TNFRSF11B: variants seen among roughly 807,000 people sequenced by gnomAD.
The protein encoded by TNFRSF11B is TNF receptor superfamily member 11b.
TNFRSF11B carries 16 observed loss-of-function variants against 43.4 expected under a neutral mutation model. The ratio of observed to expected loss-of-function variants is 0.37; its 90% CI spans 0.25 to 0.56. TNFRSF11B has a LOEUF of 0.56. Ranked by LOEUF, TNFRSF11B falls within the 20% of genes least tolerant of loss-of-function variation. The pLI, the probability that TNFRSF11B is intolerant of heterozygous loss-of-function variation, is 0.80. For missense variants in TNFRSF11B, 444 were observed against 490.1 expected (o/e 0.91, Z 0.89); for synonymous variants, 185 against 181.8 (o/e 1.02, Z -0.14).
chr8:118,928,064 C>T (rs1347758401), intron 3 of TNFRSF11B, among the ~76,000 whole-genome samples: 1 of 151,690 alleles, frequency 6.6e-6, no homozygotes, highest in Non-Finnish European at 1.5e-5. Context: ...TGCTCTGTTG[C>T]CCAGACTGGA....
At chr8:118,936,702 A>G (rs147983526) in intron 1 of TNFRSF11B, among the ~76,000 whole-genome samples, 35 of 152,200 alleles carry the variant, frequency 2.3e-4, no homozygotes, top group Admixed American at 6.5e-4. Context: ...GGACACATGC[A>G]TCGGTGTGTC....
chr8:118,924,824 A>C, intron 4 of TNFRSF11B, 62 bp from the exon 5 acceptor site: 1 of 1,606,556 alleles, frequency 6.2e-7, no homozygotes, highest in South Asian at 1.1e-5. Context: ...ATGCCATCAT[A>C]AAACAAGCGT....
chr8:118,931,265 C>T (rs1473843663), intron 2 of TNFRSF11B, among the ~76,000 whole-genome samples: 1 of 152,170 alleles, frequency 6.6e-6, no homozygotes, highest in Non-Finnish European at 1.5e-5. Flanking sequence ...AGAGGAACTG[C>T]TGTGTGGGTT....
At chr8:118,946,945 T>C (rs1033685180) in intron 1 of TNFRSF11B, among the ~76,000 whole-genome samples, 1 of 152,192 alleles carries the variant, frequency 6.6e-6, no homozygotes, top group African/African-American at 2.4e-5. Context: ...TGTGTATACC[T>C]GTATTCTCTA....
rs1242038291 is a variant in TNFRSF11B, at chr8:118,928,796, A to G, written c.534T>C (p.Asn178=). 4 of 1,614,176 alleles carry G rather than the reference A, an allele frequency of 2.5e-6. No individual in the cohort carries two copies. The highest frequency in any genetic ancestry group is 3.3e-5 in the Admixed American group (2 of 60,026). The change falls in exon 3 of 5, where the codon AAT becomes AAC. Residue 178 remains asparagine (N), a synonymous_variant. Coordinates refer to ENST00000297350, the MANE Select transcript of TNFRSF11B (RefSeq NM_002546.4). ...CGGAACATATGTTGTCGTGTGTTGC[A>G]TTTCCTTTCTGAGTTAGCAGGAGAC... ...VFGLLLTQKG[N]ATHDNICSGN...
chr8:118,942,224 C>G (rs1257288582), intron 1 of TNFRSF11B, among the ~76,000 whole-genome samples: 1 of 59,450 alleles, frequency 1.7e-5, no homozygotes, highest in Non-Finnish European at 2.6e-5. Context: ...CCCCCTCCCC[C>G]CACCCCATGA....
Position 118,924,376 on chromosome 8 carries a change from A to G in TNFRSF11B, c.1204T>C (p.Ter402GlnextTer19), listed in dbSNP as rs774713244. The G allele has an allele frequency of 5.0e-6, 8 of 1,614,016 alleles. No individual in the cohort carries two copies. Among genetic ancestry groups the G allele is most frequent in the Non-Finnish European group, 6.8e-6 (8 of 1,180,016 alleles). The change falls in exon 5 of 5, where the codon TAA (stop) becomes CAA (glutamine). Residue 402 changes from the stop codon to glutamine (Q), a stop_lost. Coordinates refer to ENST00000297350, the MANE Select transcript of TNFRSF11B (RefSeq NM_002546.4). Reference sequence around the variant, plus strand: ...AACAGCTCAATGGCCATTTCCAGTTATAAGCAGCTTATTTTTACTGATTGG... The same window carrying G: ...AACAGCTCAATGGCCATTTCCAGTTGTAAGCAGCTTATTTTTACTGATTGG... ...QVQSVKISCL[*>Q]
At position 118,935,317 on chromosome 8, in the gene TNFRSF11B, T is replaced by C. The variant is rs1391634356; in HGVS notation, c.31-2017A>G. On this transcript the variant is annotated intron_variant, in intron 1 of 4. Coordinates refer to ENST00000297350, the MANE Select transcript of TNFRSF11B (RefSeq NM_002546.4). ...GAAATAGATGGAACCTATTTCTTCA[T>C]TCAACACACACTCCTTGAGCATCCA... Among the ~76,000 whole-genome samples the C allele has an allele frequency of 2.0e-5, 3 of 152,148 alleles. 1 individual carries two copies. Among genetic ancestry groups the C allele is most frequent in the South Asian group, 4.2e-4 (2 of 4,818 alleles).
intron 4 of TNFRSF11B, among the ~76,000 whole-genome samples, chr8:118,925,351 A>G (rs1812233207): frequency 6.6e-6 from 1 of 152,232 alleles, no homozygotes; most frequent in Admixed American, 6.5e-5. Context: ...TCTATTAATG[A>G]CATGAGTCAC....
chr8:118,944,538 A>G (rs11573847), intron 1 of TNFRSF11B, among the ~76,000 whole-genome samples: 10,684 of 152,230 alleles, frequency 0.07, 422 homozygotes, highest in South Asian at 0.092. Flanking sequence ...AAAGAGCACA[A>G]ACAAGTACAT....
At chr8:118,930,017 C>A (rs1434705156) in intron 2 of TNFRSF11B, among the ~76,000 whole-genome samples, 1 of 152,190 alleles carries the variant, frequency 6.6e-6, no homozygotes, top group Admixed American at 6.5e-5. Flanking sequence ...GTTTCATCTC[C>A]TGTCTCTTTC....
chr8:118,946,837 G>T (rs1586960952), intron 1 of TNFRSF11B, among the ~76,000 whole-genome samples: 1 of 152,156 alleles, frequency 6.6e-6, no homozygotes, highest in East Asian at 1.9e-4. Context: ...ATGCCTACTT[G>T]ACATCTCTGA....
At chr8:118,945,888 G>T (rs1364321687) in intron 1 of TNFRSF11B, among the ~76,000 whole-genome samples, 1 of 152,008 alleles carries the variant, frequency 6.6e-6, no homozygotes, top group Admixed American at 6.6e-5. Flanking sequence ...GGTGATTATT[G>T]AAGAGGCTAT....
rs996620156 is a variant in TNFRSF11B at position 118,923,779 on chromosome 8, A to G, written c.*595T>C. 1 of 152,618 alleles carries G rather than the reference A, an allele frequency of 6.6e-6. No homozygotes were observed. Among genetic ancestry groups the G allele is most frequent in the South Asian group, 2.1e-4 (1 of 4,834 alleles). 9.5% of individuals were successfully genotyped at this position (152,618 alleles called of 1,614,324 possible). On this transcript the variant is annotated 3_prime_UTR_variant, in exon 5 of 5. Transcript: ENST00000297350. ...ATAAAAATACTCCACACAGAAAAAT[A>G]TGGCAGTACCTATTAGAAAAATGCT...
At chr8:118,935,393 G>T (rs528781334) in intron 1 of TNFRSF11B, among the ~76,000 whole-genome samples, 1 of 152,112 alleles carries the variant, frequency 6.6e-6, no homozygotes, top group Non-Finnish European at 1.5e-5. Flanking sequence ...TACATAAAAC[G>T]CAAATGGTCC....
Position 118,926,623 on chromosome 8 carries a change from T to C in TNFRSF11B, c.688A>G (p.Thr230Ala), listed in dbSNP as rs1210411414. ...TCTACACTCTCTGCGTTTACTTTGG[T>C]GCCAGGCAAATTGTCTACCAAGACA... ...LSVLVDNLPGTKVNAESVERI... is the reference protein window; with the variant it reads ...LSVLVDNLPGAKVNAESVERI... Residue 230 changes from threonine (T) to alanine (A), a missense_variant, in exon 4 of 5, where the codon ACC becomes GCC. By Grantham distance (58) the Thr-to-Ala change is moderately conservative. Coordinates refer to ENST00000297350, the MANE Select transcript of TNFRSF11B (RefSeq NM_002546.4). The C allele has an allele frequency of 6.2e-7, 1 of 1,614,144 alleles. No individual in the cohort carries two copies. Among genetic ancestry groups the C allele is most frequent in the African/African-American group, 1.3e-5 (1 of 75,052 alleles).
intron 2 of TNFRSF11B, chr8:118,930,767 T>C (rs1485555096): frequency 2.2e-6 from 1 of 452,834 alleles, no homozygotes; most frequent in Non-Finnish European, 4.5e-6. Flanking sequence ...TTCTCCTGCA[T>C]CCTAATGAGA....
chr8:118,948,523 CCTT>C (rs1812597693), intron 1 of TNFRSF11B, among the ~76,000 whole-genome samples: 1 of 152,128 alleles, frequency 6.6e-6, no homozygotes, highest in Non-Finnish European at 1.5e-5. Context: ...CCATAGCTCT[CCTT>C]CTAGAACTAA....
At chr8:118,947,039 A>G (rs3134062) in intron 1 of TNFRSF11B, among the ~76,000 whole-genome samples, 10,366 of 152,232 alleles carry the variant, frequency 0.068, 397 homozygotes, top group East Asian at 0.13. Flanking sequence ...CCAAATATCA[A>G]TATATGAATC....
Sources: gnomAD v4.1 joint callset for allele counts (sites outside exome capture counted in the v4.1 genomes callset) on GRCh38, gnomAD v4.1.1 for gene constraint, MANE v1.5 for transcripts, NCBI Gene and HGNC (gene_info 2026-07-23, HGNC 2026-07-21) for gene names.